The following SHISA6 variants were observed in gnomAD, a reference collection of about 807,000 sequenced individuals.
SHISA6 encodes the protein shisa family member 6.
A neutral mutation model predicts 47.9 loss-of-function variants in SHISA6; 22 were observed. The observed-to-expected ratio is 0.46, with a 90% CI of 0.33 to 0.66. SHISA6 has a LOEUF of 0.66. SHISA6 is among the 30% of genes least tolerant of loss of function. The probability of loss-of-function intolerance (pLI) is 0.02; values close to 1 mark genes in which losing one functional copy is unlikely to be tolerated. For synonymous variants in SHISA6, 388 were observed against 337.8 expected (o/e 1.15, Z -1.63); for missense variants, 680 against 764.6 (o/e 0.89, Z 1.30).
chr17:11,414,161 A>C (rs1266844386), intron 3 of SHISA6, among the ~76,000 whole-genome samples: 1 of 144,068 alleles, frequency 6.9e-6, no homozygotes. Context: ...TTTCTTCTGT[A>C]CTCCTCCTTC....
At chr17:11,323,318 A>T (rs1365257483) in intron 2 of SHISA6, among the ~76,000 whole-genome samples, 1 of 152,148 alleles carries the variant, frequency 6.6e-6, no homozygotes, top group Non-Finnish European at 1.5e-5. Context: ...GAGAGAAAGG[A>T]TTTTTCAAGG....
At chr17:11,414,133 CCTT>C (rs1914214446) in intron 3 of SHISA6, among the ~76,000 whole-genome samples, 2 of 151,762 alleles carry the variant, frequency 1.3e-5, no homozygotes, top group African/African-American at 2.4e-5. Context: ...TTCTCCTCCT[CCTT>C]ATCCCTTCCT....
At chr17:11,301,451 A>G (rs1597447360) in intron 2 of SHISA6, among the ~76,000 whole-genome samples, 1 of 152,270 alleles carries the variant, frequency 6.6e-6, no homozygotes, top group South Asian at 2.1e-4. Context: ...AGTCCAAATG[A>G]TTGCAGCACT....
intron 2 of SHISA6, chr17:11,290,135 G>A (rs991499149): frequency 2.0e-5 from 3 of 151,958 alleles, no homozygotes; most frequent in African/African-American, 7.3e-5. Flanking sequence ...TTCATATTTT[G>A]TTATTAAAGT....
chr17:11,444,533 G>C (rs933812580), intron 3 of SHISA6, among the ~76,000 whole-genome samples: 1 of 152,008 alleles, frequency 6.6e-6, no homozygotes. Context: ...CACTCACCAG[G>C]GGTCAGAGGG....
chr17:11,243,755 G>A (rs1160229166), intron 1 of SHISA6, among the ~76,000 whole-genome samples: 1 of 152,190 alleles, frequency 6.6e-6, no homozygotes, highest in East Asian at 1.9e-4. Flanking sequence ...TTGGAGGCTT[G>A]TCTCCTCTTC....
intron 3 of SHISA6, among the ~76,000 whole-genome samples, chr17:11,468,802 C>T (rs546701289): frequency 1.3e-5 from 2 of 151,966 alleles, no homozygotes; most frequent in African/African-American, 4.8e-5. Context: ...GGCTGGATCA[C>T]TTGAGGTCAG....
At chr17:11,421,828 G>T (rs999692011) in intron 3 of SHISA6, among the ~76,000 whole-genome samples, 1 of 152,188 alleles carries the variant, frequency 6.6e-6, no homozygotes, top group Non-Finnish European at 1.5e-5. Context: ...AAAAGCCAGA[G>T]TGTAGAAAAA....
At chr17:11,286,844 A>G (rs1909315856) in intron 2 of SHISA6, among the ~76,000 whole-genome samples, 1 of 152,218 alleles carries the variant, frequency 6.6e-6, no homozygotes, top group African/African-American at 2.4e-5. Flanking sequence ...TGGAAGGAGG[A>G]TTCAGGAGAA....
intron 2 of SHISA6, among the ~76,000 whole-genome samples, chr17:11,343,935 C>G (rs1405321219): frequency 6.6e-6 from 1 of 152,180 alleles, no homozygotes; most frequent in African/African-American, 2.4e-5. Flanking sequence ...GTGGTCCACC[C>G]ATCTTGGCCT....
chr17:11,561,190 A>C lies in SHISA6; in HGVS notation c.*2886A>C, dbSNP rs1396906491. The C allele has an allele frequency of 1.3e-5, 2 of 152,202 alleles. No individual in the cohort carries two copies. Among genetic ancestry groups the C allele is most frequent in the African/African-American group, 4.8e-5 (2 of 41,442 alleles). The allele number at this position is 152,202 out of a possible 1,614,324, so 9.4% of individuals were successfully genotyped here. ...CCCAACCAGGCTGGTGGCCTCTACC[A>C]TACATAGAAGTACCATCCACCCTTA... On this transcript the variant is annotated 3_prime_UTR_variant, in exon 6 of 6. Transcript: ENST00000441885.
At chr17:11,368,677 GAC>G (rs1912531927) in intron 2 of SHISA6, among the ~76,000 whole-genome samples, 1 of 152,024 alleles carries the variant, frequency 6.6e-6, no homozygotes, top group South Asian at 2.1e-4. Context: ...TATTTTTTGA[GAC>G]AGAGTCTTGC....
rs530482921 is a variant in SHISA6, at chr17:11,495,146, C to G, written c.896-56750C>G. Among the ~76,000 whole-genome samples, 3 of 152,270 alleles carry G rather than the reference C, an allele frequency of 2.0e-5. No homozygotes were observed. In the East Asian group the frequency reaches 5.8e-4, roughly 29 times the overall value. On this transcript the variant is annotated intron_variant, in intron 3 of 5. Coordinates refer to ENST00000441885, the MANE Select transcript of SHISA6 (RefSeq NM_207386.4). ...AGCTCTATCTGGGATAGACCCAAAC[C>G]TCGGGGTGAAAGCATCTTGCCCACT...
At chr17:11,480,843 A>G (rs2142330122) in intron 3 of SHISA6, among the ~76,000 whole-genome samples, 1 of 152,344 alleles carries the variant, frequency 6.6e-6, no homozygotes, top group East Asian at 1.9e-4. Flanking sequence ...ACCTAATGGT[A>G]CTACTTCTGG....
intron 3 of SHISA6, among the ~76,000 whole-genome samples, chr17:11,428,779 CT>C (rs34920362): frequency 0.1 from 9,906 of 96,124 alleles, 210 homozygotes; most frequent in African/African-American, 0.15. Context: ...GATCCACTTT[CT>C]TTTTTTTTTT....
chr17:11,282,885 C>T (rs570084818), intron 2 of SHISA6, among the ~76,000 whole-genome samples: 19 of 152,310 alleles, frequency 1.2e-4, no homozygotes, highest in African/African-American at 4.6e-4. Context: ...ATCATTCACT[C>T]CAATTTTCCC....
intron 3 of SHISA6, among the ~76,000 whole-genome samples, chr17:11,461,695 G>A (rs190338422): frequency 1.3e-5 from 2 of 152,270 alleles, no homozygotes; most frequent in Non-Finnish European, 2.9e-5. Context: ...CTGGGACATA[G>A]GGGCTGTCTC....
At chr17:11,423,962 G>C (rs570210618) in intron 3 of SHISA6, among the ~76,000 whole-genome samples, 56 of 152,296 alleles carry the variant, frequency 3.7e-4, no homozygotes, top group Non-Finnish European at 6.0e-4. Flanking sequence ...CCTGGAGAAA[G>C]AATTAGTAGG....
At chr17:11,349,232 C>G (rs542094522) in intron 2 of SHISA6, among the ~76,000 whole-genome samples, 129 of 152,314 alleles carry the variant, frequency 8.5e-4, no homozygotes, top group African/African-American at 2.9e-3. Context: ...TTCTGCCCAT[C>G]ATGGATCCAC....
Sources: gnomAD v4.1 joint callset for allele counts (sites outside exome capture counted in the v4.1 genomes callset) on GRCh38, gnomAD v4.1.1 for gene constraint, MANE v1.5 for transcripts, NCBI Gene and HGNC (gene_info 2026-07-23, HGNC 2026-07-21) for gene names.